PTBP3: variants seen among roughly 807,000 people sequenced by gnomAD.
The protein encoded by PTBP3 is polypyrimidine tract-binding protein 3.
A neutral mutation model predicts 58.7 loss-of-function variants in PTBP3; 20 were observed. That is an observed-to-expected ratio of 0.34 (90% CI 0.24 to 0.50). The LOEUF is 0.50. PTBP3 is among the 20% of genes least tolerant of loss of function. The pLI is 0.98. For synonymous variants in PTBP3, 185 were observed against 219.8 expected (o/e 0.84, Z 1.40); for missense variants, 509 against 637.2 (o/e 0.80, Z 2.17).
chr9:112,355,996 T>G, the PTBP3 span, among the ~76,000 whole-genome samples: 1 of 151,692 alleles, frequency 6.6e-6, no homozygotes, highest in Non-Finnish European at 1.5e-5. Flanking sequence ...TTCTTTCTCT[T>G]TCTTTTCTTT....
the PTBP3 span, among the ~76,000 whole-genome samples, chr9:112,355,483 A>G: frequency 2.0e-5 from 3 of 152,234 alleles, no homozygotes; most frequent in Non-Finnish European, 2.9e-5. Flanking sequence ...ATGCAAAGGA[A>G]GTTCAGAAGT....
At chr9:112,299,845 T>C (rs1828840814) in intron 1 of PTBP3, among the ~76,000 whole-genome samples, 1 of 152,234 alleles carries the variant, frequency 6.6e-6, no homozygotes, top group Non-Finnish European at 1.5e-5. Context: ...TCTTTCCCTC[T>C]GAAATAAGAG....
At chr9:112,252,013 T>G (rs964832053) in intron 6 of PTBP3, among the ~76,000 whole-genome samples, 3 of 152,042 alleles carry the variant, frequency 2.0e-5, no homozygotes, top group Admixed American at 1.3e-4. Context: ...TGCTACAAGA[T>G]GAAATTAGAG....
intron 3 of PTBP3, among the ~76,000 whole-genome samples, chr9:112,274,906 C>T (rs1173368346): frequency 6.6e-6 from 1 of 152,180 alleles, no homozygotes. Flanking sequence ...ACTGCTTTGA[C>T]ACTTACTAGA....
At chr9:112,314,520 G>A (rs1778435549) in intron 1 of PTBP3, among the ~76,000 whole-genome samples, 2 of 152,064 alleles carry the variant, frequency 1.3e-5, no homozygotes, top group South Asian at 4.1e-4. Context: ...ACAGAACAAG[G>A]ACTCATCTCT....
intron 1 of PTBP3, among the ~76,000 whole-genome samples, chr9:112,305,901 C>A (rs993524986): frequency 6.6e-6 from 1 of 152,096 alleles, no homozygotes; most frequent in Non-Finnish European, 1.5e-5. Flanking sequence ...GACCGCGCCA[C>A]TGCACTCCAG....
intron 5 of PTBP3, among the ~76,000 whole-genome samples, chr9:112,254,438 T>C (rs939107833): frequency 6.6e-6 from 1 of 152,188 alleles, no homozygotes; most frequent in African/African-American, 2.4e-5. Context: ...AAAACTTTTG[T>C]GCATCAAAGG....
chr9:112,322,926 A>G (rs4310281), intron 1 of PTBP3, among the ~76,000 whole-genome samples: 40,636 of 152,164 alleles, frequency 0.27, 6,758 homozygotes, highest in South Asian at 0.41. Flanking sequence ...CCCAAGAGTC[A>G]GGACCAAGGA....
chr9:112,308,710 T>C (rs1054147919), intron 1 of PTBP3, among the ~76,000 whole-genome samples: 29 of 151,918 alleles, frequency 1.9e-4, no homozygotes, highest in African/African-American at 2.4e-5. Context: ...ACTAGCAAAA[T>C]GTGAAGACAT....
intron 2 of PTBP3, 131 bp from the exon 3 acceptor site, chr9:112,276,144 G>A (rs1211753681): frequency 5.4e-6 from 4 of 739,398 alleles, no homozygotes; most frequent in Non-Finnish European, 2.2e-6. Flanking sequence ...GGGGCTGATG[G>A]GGGTAGGTGG....
At position 112,220,126 on chromosome 9, in the gene PTBP3, A is replaced by G. The variant is rs776127492; in HGVS notation, c.*3725T>C. On this transcript the variant is annotated 3_prime_UTR_variant, in exon 14 of 14. Coordinates refer to ENST00000374257, the MANE Select transcript of PTBP3 (RefSeq NM_001163788.4). Reference sequence around the variant, plus strand: ...TTTGGTTTTAAAAATAGCAGTACACATTAGGTTTTCTAAGGGATAGGTGGG... The same window carrying G: ...TTTGGTTTTAAAAATAGCAGTACACGTTAGGTTTTCTAAGGGATAGGTGGG... 5.0e-5 allele frequency: 64 copies of G among 1,288,806 alleles called. 1 individual carries two copies. The East Asian group carries it at 3.2e-3, about 64-fold the overall frequency. The allele number at this position is 1,288,806 out of a possible 1,614,324, so 79.8% of individuals were successfully genotyped here.
the PTBP3 span, among the ~76,000 whole-genome samples, chr9:112,378,346 C>A: frequency 6.6e-6 from 1 of 152,210 alleles, no homozygotes; most frequent in African/African-American, 2.4e-5. Context: ...TTTAGGCTCA[C>A]AAAATATCGT....
intron 1 of PTBP3, among the ~76,000 whole-genome samples, chr9:112,302,431 A>G (rs1479269295): frequency 6.6e-6 from 1 of 152,156 alleles, no homozygotes; most frequent in East Asian, 1.9e-4. Flanking sequence ...TATTTTTGAC[A>G]TAAAAAAACT....
At chr9:112,303,553 T>A (rs546870950) in intron 1 of PTBP3, among the ~76,000 whole-genome samples, 1 of 152,254 alleles carries the variant, frequency 6.6e-6, no homozygotes, top group Admixed American at 6.5e-5. Context: ...ATCAATACAA[T>A]CGCATGGGCA....
upstream of PTBP3, among the ~76,000 whole-genome samples, chr9:112,337,093 G>A (rs1242522090): frequency 2.0e-5 from 3 of 152,168 alleles, no homozygotes; most frequent in South Asian, 2.1e-4. Context: ...GCAGTAGCGC[G>A]ATCTCAGCTC....
intron 2 of PTBP3, among the ~76,000 whole-genome samples, chr9:112,296,298 T>G (rs945622141): frequency 9.2e-5 from 14 of 152,156 alleles, no homozygotes; most frequent in African/African-American, 3.1e-4. Context: ...TGTTAAGTCC[T>G]AGTTTGCCTG....
intron 5 of PTBP3, among the ~76,000 whole-genome samples, chr9:112,259,494 C>T (rs959019648): frequency 1.3e-5 from 2 of 152,172 alleles, no homozygotes; most frequent in Non-Finnish European, 2.9e-5. Flanking sequence ...CCTTAGGCAC[C>T]TTACATTGCT....
chr9:112,222,194 A>G lies in PTBP3; in HGVS notation c.*1657T>C, dbSNP rs1445786024. Reference sequence around the variant, plus strand: ...TAGACAAAAAAATGACCCTTTTGACAAATTCTGCTTTAAAAAATTCTGATC... The same window carrying G: ...TAGACAAAAAAATGACCCTTTTGACGAATTCTGCTTTAAAAAATTCTGATC... On this transcript the variant is annotated 3_prime_UTR_variant, in exon 14 of 14. Transcript: ENST00000374257. The G allele has an allele frequency of 2.0e-6, 2 of 984,582 alleles. No individual in the cohort carries two copies. The highest frequency in any genetic ancestry group is 3.5e-5 in the African/African-American group (2 of 57,246). 61.0% of individuals were successfully genotyped at this position (984,582 alleles called of 1,614,324 possible).
upstream of PTBP3, among the ~76,000 whole-genome samples, chr9:112,338,117 T>C (rs554674851): frequency 3.0e-4 from 45 of 152,228 alleles, no homozygotes; most frequent in Middle Eastern, 3.4e-3. Flanking sequence ...GACAAAATTA[T>C]AGAGATGGAG....
Sources: allele counts gnomAD v4.1 joint callset (sites outside exome capture counted in the v4.1 genomes callset), GRCh38; gene constraint gnomAD v4.1.1; transcripts MANE v1.5; gene names NCBI Gene and HGNC (gene_info 2026-07-23, HGNC 2026-07-21).